CENPE: variants seen among roughly 807,000 people sequenced by gnomAD.
The protein encoded by CENPE is centromere-associated protein E.
A neutral mutation model predicts 336.1 loss-of-function variants in CENPE; 145 were observed. The observed-to-expected ratio is 0.43, with a 90% CI of 0.38 to 0.50. The LOEUF (loss-of-function observed/expected upper bound fraction) is 0.50, where lower values mean the gene tolerates loss of function less well. CENPE is among the 20% of genes least tolerant of loss of function. CENPE has a pLI of 0.00. For synonymous variants in CENPE, 1,013 were observed against 984.8 expected (o/e 1.03, Z -0.54); for missense variants, 2,719 against 3,023.3 (o/e 0.90, Z 2.36).
At chr4:103,150,361 T>C (rs1753436477) in intron 26 of CENPE, among the ~76,000 whole-genome samples, 1 of 152,124 alleles carries the variant, frequency 6.6e-6, no homozygotes, top group Non-Finnish European at 1.5e-5. Flanking sequence ...GCAGGAAGAC[T>C]GCTTGAGCCC....
At chr4:103,179,851 C>T (rs1756183850) in intron 13 of CENPE, among the ~76,000 whole-genome samples, 1 of 152,142 alleles carries the variant, frequency 6.6e-6, no homozygotes, top group African/African-American at 2.4e-5. Context: ...AATTCCTACT[C>T]AATTAAAAAC....
intron 45 of CENPE, among the ~76,000 whole-genome samples, chr4:103,115,265 C>G (rs997352825): frequency 6.6e-6 from 1 of 152,094 alleles, no homozygotes; most frequent in Non-Finnish European, 1.5e-5. Context: ...TCCTGAGTAG[C>G]TGGGATTACA....
At chr4:103,132,258 G>T (rs1751650298) in intron 42 of CENPE, among the ~76,000 whole-genome samples, 1 of 151,892 alleles carries the variant, frequency 6.6e-6, no homozygotes, top group Non-Finnish European at 1.5e-5. Flanking sequence ...ACCTAAAACT[G>T]CTCTTAAAAA....
Position 103,181,432 on chromosome 4 carries a change from T to A in CENPE, c.988A>T (p.Lys330Ter). 1 of 1,573,248 alleles carries A rather than the reference T, an allele frequency of 6.4e-7. No individual in the cohort carries two copies. Among genetic ancestry groups the A allele is most frequent in the Non-Finnish European group, 8.6e-7 (1 of 1,163,158 alleles). ...LQFASTAKYMKNTPYVNEVST... is the reference protein window; with the variant it reads ...LQFASTAKYM ...ACCTCATTAACATAAGGAGTATTCT[T>A]CATATATTTAGCAGTACTGGCAAAC... The change falls in exon 12 of 49, where the codon AAG becomes TAG. Residue 330 changes from lysine to a stop codon, truncating the protein, a stop_gained. Transcript: ENST00000265148. LOFTEE classifies it high-confidence loss of function.
At chr4:103,144,990 C>T in intron 32 of CENPE, 60 bp downstream of exon 32, 1 of 1,369,152 alleles carries the variant, frequency 7.3e-7, no homozygotes, top group Non-Finnish European at 9.7e-7. Context: ...TGAACACCGT[C>T]ATTATCACCT....
chr4:103,114,823 C>T (rs1310100152), intron 45 of CENPE, among the ~76,000 whole-genome samples: 1 of 152,130 alleles, frequency 6.6e-6, no homozygotes, highest in Non-Finnish European at 1.5e-5. Flanking sequence ...AGGCCTAATT[C>T]ATTGTATATT....
At chr4:103,132,652 A>G (rs1325945535) in intron 42 of CENPE, 41 bp downstream of exon 42, 2 of 1,068,442 alleles carry the variant, frequency 1.9e-6, no homozygotes, top group Non-Finnish European at 2.7e-6. Flanking sequence ...AATTAAAGCA[A>G]ACAGCAACAA....
intron 24 of CENPE, among the ~76,000 whole-genome samples, chr4:103,157,952 T>C (rs1432363316): frequency 6.6e-6 from 1 of 151,898 alleles, no homozygotes; most frequent in Non-Finnish European, 1.5e-5. Flanking sequence ...TAGAAAAGAA[T>C]ACTGTTAATA....
At chr4:103,140,700 G>A in intron 36 of CENPE, 114 bp downstream of exon 36, 1 of 815,320 alleles carries the variant, frequency 1.2e-6, no homozygotes. Flanking sequence ...TATTATTGGT[G>A]GACACTTAGA....
chr4:103,148,963 T>C lies in CENPE; in HGVS notation c.3724A>G (p.Ile1242Val), dbSNP rs777665190. ...GTTTCTTGGTGTTCTTTTAGGTGAA[T>C]ATGAGCAATTTTTAGTTCTTCTTTG... is the stretch of plus-strand genomic sequence containing the variant. Reference protein sequence around the residue: ...QTKEELKIAHIHLKEHQETID... With the variant: ...QTKEELKIAHVHLKEHQETID... The change falls in exon 28 of 49, where the codon ATT (isoleucine) becomes GTT (valine). Residue 1242 changes from isoleucine to valine, a missense_variant. By Grantham distance (29) the Ile-to-Val change is conservative (BLOSUM62 3). Transcript: ENST00000265148. 4 of 1,613,804 alleles carry C rather than the reference T, an allele frequency of 2.5e-6. No homozygotes were observed. In the South Asian group the frequency reaches 4.4e-5, roughly 18 times the overall value.
At chr4:103,106,390 A>AAGGAGGTTAAGAC (rs1259459599) in intron 48 of CENPE, 74 bp from the exon 49 acceptor site, 2 of 1,148,574 alleles carry the variant, frequency 1.7e-6, no homozygotes, top group Non-Finnish European at 2.5e-6. Context: ...TGGAAGTGGA[A>AAGGAGGTTAAGAC]AGGAGGTTAA....
intron 46 of CENPE, among the ~76,000 whole-genome samples, chr4:103,113,192 A>ATAAGTATATAAGTGTATATATACTTT (rs1749721546): frequency 1.2e-5 from 1 of 81,044 alleles, no homozygotes; most frequent in Non-Finnish European, 2.7e-5. Context: ...ATATATACTT[A>ATAAGTATATAAGTGTATATATACTTT]TAAGTATATA....
chr4:103,113,694 AATAAGTGTATATATACTT>A (rs1388666125), intron 46 of CENPE, among the ~76,000 whole-genome samples: 5 of 146,426 alleles, frequency 3.4e-5, no homozygotes, highest in Admixed American at 2.1e-4. Flanking sequence ...ATATATGTAT[AATAAGTGTATATATACTT>A]ATAAGTGTAT....
intron 45 of CENPE, 115 bp downstream of exon 45, chr4:103,116,462 C>G (rs1189742835): frequency 1.9e-6 from 1 of 522,506 alleles, no homozygotes; most frequent in Non-Finnish European, 3.3e-6. Flanking sequence ...AAAAAAAGAG[C>G]TGTAACAATA....
Position 103,147,641 on chromosome 4 carries a change from T to G in CENPE, c.3849A>C (p.Pro1283=). Residue 1283 remains proline (P), a synonymous_variant, in exon 29 of 49, where the codon CCA becomes CCC. Transcript: ENST00000265148. ...GTAACTCTTGTTCCTCATGAAGCACTGGGATCTTAGGACATTCATAAAATA... is the reference window on the plus strand; with the variant it reads ...GTAACTCTTGTTCCTCATGAAGCACGGGGATCTTAGGACATTCATAAAATA... ...KSHTKLQEEI[P]VLHEEQELLP... 1 of 1,609,240 alleles carries G rather than the reference T, an allele frequency of 6.2e-7. No homozygotes were observed.
At chr4:103,157,059 C>CAA (rs34199706) in intron 24 of CENPE, among the ~76,000 whole-genome samples, 63 of 97,998 alleles carry the variant, frequency 6.4e-4, no homozygotes, top group African/African-American at 1.1e-3. Flanking sequence ...TGGCTACTAT[C>CAA]AAAAAAAAAA....
chr4:103,194,598 C>T lies in CENPE; in HGVS notation c.559+5G>A. 1 of 1,601,168 alleles carries T rather than the reference C, an allele frequency of 6.2e-7. No individual in the cohort carries two copies. ...GTTCTAAAGAAATACAGCATAAAGT[C>T]TTACTTTCTCCCTTTGTAATCCATT... On this transcript the variant is annotated splice_donor_5th_base_variant and intron_variant, in intron 6 of 48. Transcript: ENST00000265148.
intron 16 of CENPE, among the ~76,000 whole-genome samples, chr4:103,165,760 G>A (rs1249947957): frequency 6.6e-6 from 1 of 151,912 alleles, no homozygotes; most frequent in Non-Finnish European, 1.5e-5. Context: ...GAGGCGAGCA[G>A]ATCACTTGAG....
intron 44 of CENPE, among the ~76,000 whole-genome samples, chr4:103,117,674 C>T (rs1276039468): frequency 7.4e-6 from 1 of 135,732 alleles, no homozygotes; most frequent in African/African-American, 2.9e-5. Flanking sequence ...GTCACCTAGG[C>T]TGGGGTGCAG....
Sources: allele counts gnomAD v4.1 joint callset (sites outside exome capture counted in the v4.1 genomes callset), GRCh38; gene constraint gnomAD v4.1.1; transcripts MANE v1.5; gene names NCBI Gene and HGNC (gene_info 2026-07-23, HGNC 2026-07-21).